CFAP47: variants seen among roughly 807,000 people sequenced by gnomAD.
The protein encoded by CFAP47 is cilia and flagella associated protein 47, also known as cilia- and flagella-associated protein 47.
A neutral mutation model predicts 148.1 loss-of-function variants in CFAP47; 29 were observed. The ratio of observed to expected loss-of-function variants is 0.20; its 90% CI spans 0.15 to 0.27. The LOEUF is 0.27. Ranked by LOEUF, CFAP47 falls within the 10% of genes least tolerant of loss-of-function variation. The probability of loss-of-function intolerance (pLI) is 1.00; values close to 1 mark genes in which losing one functional copy is unlikely to be tolerated. For synonymous variants in CFAP47, 664 were observed against 577.3 expected (o/e 1.15, Z -2.15); for missense variants, 1,872 against 1,697.5 (o/e 1.10, Z -1.81).
At chrX:36,299,902 A>C (rs1556007481) in intron 52 of CFAP47, among the ~76,000 whole-genome samples, 1 of 112,353 alleles carries the variant, frequency 8.9e-6, no homozygotes, top group Non-Finnish European at 1.9e-5. Flanking sequence ...GAAATTTTAA[A>C]GGACAAAAAT....
intron 26 of CFAP47, among the ~76,000 whole-genome samples, chrX:36,061,124 G>C (rs1937590305): frequency 9.1e-6 from 1 of 110,136 alleles, no homozygotes; most frequent in South Asian, 3.9e-4. Context: ...CACAAGATCT[G>C]GTTGTTTAAA....
chrX:35,925,937 G>T, intron 1 of CFAP47, 80 bp from the exon 2 acceptor site: 1 of 851,519 alleles, frequency 1.2e-6, no homozygotes, highest in Non-Finnish European at 1.7e-6. Context: ...TTACAGGCGT[G>T]AGCCATTGTG....
intron 57 of CFAP47, among the ~76,000 whole-genome samples, chrX:36,321,686 A>G (rs1312546048): frequency 1.8e-5 from 2 of 111,649 alleles, no homozygotes; most frequent in Non-Finnish European, 3.8e-5. Flanking sequence ...AAAAATTGAA[A>G]CAAAGATATA....
rs1394858953 is a variant in CFAP47, at chrX:35,928,015, G to GTA, written c.401+1859_401+1860dup. ...TTCTATTTTATATATATATATATAT[G>GTA]TATATATATATATCACAATTTGTTT... On this transcript the variant is annotated intron_variant, in intron 2 of 63. Coordinates refer to ENST00000378653, the MANE Select transcript of CFAP47 (RefSeq NM_001304548.2). Among the ~76,000 whole-genome samples, 664 of 99,898 alleles carry GTA rather than the reference G, an allele frequency of 6.6e-3. 5 individuals carry two copies. Among genetic ancestry groups the GTA allele is most frequent in the African/African-American group, 0.022 (604 of 27,224 alleles). The allele number at this position is 99,898 out of a possible 115,157, so 86.7% of individuals were successfully genotyped here.
intron 27 of CFAP47, among the ~76,000 whole-genome samples, chrX:36,067,823 C>T (rs1010208514): frequency 9.1e-6 from 1 of 109,371 alleles, no homozygotes; most frequent in Non-Finnish European, 1.9e-5. Context: ...CCACCATGGC[C>T]GGCTAATCTT....
intron 25 of CFAP47, among the ~76,000 whole-genome samples, chrX:36,043,846 C>CA (rs1937434215): frequency 8.9e-6 from 1 of 112,779 alleles, no homozygotes; most frequent in Admixed American, 9.3e-5. Flanking sequence ...TACAACCCTA[C>CA]ATTTCCCTTC....
intron 46 of CFAP47, 66 bp downstream of exon 46, chrX:36,228,890 A>G: frequency 2.1e-6 from 1 of 472,859 alleles, no homozygotes; most frequent in Non-Finnish European, 3.8e-6. Context: ...AAAGTCCTCC[A>G]GACCTCTCAT....
At position 36,125,280 on chromosome X, in the gene CFAP47, A is replaced by G. The variant is rs532476001; in HGVS notation, c.5321-12678A>G. Among the ~76,000 whole-genome samples the G allele has an allele frequency of 3.6e-5, 4 of 111,729 alleles. No individual in the cohort carries two copies. The South Asian group carries it at 1.5e-3, about 41-fold the overall frequency. The stretch of plus-strand genomic sequence containing the variant: ...CTGTTCTAGGGATTAGAGATGTAGT[A>G]GTGAACAACAGAGCCCAAATCCCTT... On this transcript the variant is annotated intron_variant, in intron 33 of 63. Transcript: ENST00000378653.
chrX:36,308,878 T>TA (rs1602102457), intron 55 of CFAP47, among the ~76,000 whole-genome samples: 1 of 111,524 alleles, frequency 9.0e-6, no homozygotes, highest in East Asian at 2.8e-4. Flanking sequence ...CTCTGCAATG[T>TA]AAAAAATCTA....
chrX:35,934,333 C>G (rs972869580), intron 2 of CFAP47, among the ~76,000 whole-genome samples: 1 of 110,858 alleles, frequency 9.0e-6, no homozygotes. Context: ...ACCCTATGGC[C>G]GCCACCACCA....
chrX:36,131,037 A>G (rs1461574757), intron 33 of CFAP47, among the ~76,000 whole-genome samples: 1 of 110,568 alleles, frequency 9.0e-6, no homozygotes, highest in Non-Finnish European at 1.9e-5. Flanking sequence ...ATTATAGTCA[A>G]TAACAACTGT....
Position 35,966,630 on chromosome X carries a change from T to A in CFAP47, c.1476T>A (p.Ile492=). 1 of 1,178,163 alleles carries A rather than the reference T, an allele frequency of 8.5e-7. No homozygotes were observed. Among genetic ancestry groups the A allele is most frequent in the South Asian group, 1.9e-5 (1 of 51,850 alleles). The change falls in exon 9 of 64, where the codon ATT becomes ATA. Residue 492 remains isoleucine (I), a synonymous_variant. Coordinates refer to ENST00000378653, the MANE Select transcript of CFAP47 (RefSeq NM_001304548.2). ...TCAAAGTGAAGCAGATGATAGAGAT[T>A]ATTGGTTTAGTGGCAGAAGAAGATT... ...GVFKVKQMIE[I]IGLVAEEDLQ...
In CFAP47 at chrX:36,139,705, A is replaced by T. The variant is rs192086479; in HGVS notation, c.5535+1241A>T. Among the ~76,000 whole-genome samples the T allele has an allele frequency of 7.1e-4, 79 of 111,829 alleles. 2 individuals carry two copies. The East Asian group carries it at 0.014, about 20-fold the overall frequency. ...CACAAAAGAAGGGCATTGGAGAAAGACTATTATAACTAACTCTGAGTTTTT... is the reference window on the plus strand; with the variant it reads ...CACAAAAGAAGGGCATTGGAGAAAGTCTATTATAACTAACTCTGAGTTTTT... On this transcript the variant is annotated intron_variant, in intron 35 of 63. Transcript: ENST00000378653.
At chrX:36,382,035 TC>T (rs1556024236) in intron 63 of CFAP47, among the ~76,000 whole-genome samples, 2 of 111,583 alleles carry the variant, frequency 1.8e-5, no homozygotes, top group African/African-American at 6.5e-5. Flanking sequence ...ATTGTAAATA[TC>T]TTGGTTTGTA....
At chrX:36,266,718 A>G (rs1346133798) in intron 49 of CFAP47, among the ~76,000 whole-genome samples, 1 of 110,561 alleles carries the variant, frequency 9.0e-6, no homozygotes, top group Non-Finnish European at 1.9e-5. Context: ...CCCGGCAGGA[A>G]CTCTGGGAGG....
intron 22 of CFAP47, among the ~76,000 whole-genome samples, chrX:36,027,062 T>A (rs1331425546): frequency 1.9e-5 from 2 of 104,636 alleles, no homozygotes; most frequent in Admixed American, 2.1e-4. Context: ...TTTATACTGG[T>A]GACTTTCATG....
chrX:36,072,839 A>G (rs1220740820), intron 28 of CFAP47, among the ~76,000 whole-genome samples: 1 of 111,963 alleles, frequency 8.9e-6, no homozygotes, highest in African/African-American at 3.2e-5. Flanking sequence ...TTATTAATGT[A>G]ATAAAAAATG....
intron 39 of CFAP47, among the ~76,000 whole-genome samples, chrX:36,167,957 A>T (rs1306151971): frequency 9.0e-6 from 1 of 111,189 alleles, no homozygotes; most frequent in Non-Finnish European, 1.9e-5. Context: ...GAGTCCAAGG[A>T]TCTCTCATGG....
At chrX:36,172,025 G>T (rs1392670462) in intron 39 of CFAP47, among the ~76,000 whole-genome samples, 1 of 110,131 alleles carries the variant, frequency 9.1e-6, no homozygotes, top group Non-Finnish European at 1.9e-5. Context: ...TCCCTTGTAA[G>T]TTGAATTCCT....
Sources: gnomAD v4.1 joint callset for allele counts (sites outside exome capture counted in the v4.1 genomes callset) on GRCh38, gnomAD v4.1.1 for gene constraint, MANE v1.5 for transcripts, NCBI Gene and HGNC (gene_info 2026-07-23, HGNC 2026-07-21) for gene names.